Variants in LMBRD1 observed in about 807,000 individuals in gnomAD.
The protein encoded by LMBRD1 is lysosomal cobalamin transport escort protein LMBD1.
A neutral mutation model predicts 74.8 loss-of-function variants in LMBRD1; 64 were observed. The ratio of observed to expected loss-of-function variants is 0.86; its 90% confidence interval spans 0.70 to 1.05. The LOEUF (loss-of-function observed/expected upper bound fraction) is 1.05, where lower values mean the gene tolerates loss of function less well. Among genes scored for constraint, LMBRD1 ranks in the 50% least tolerant of loss-of-function variants. The pLI, the probability that LMBRD1 is intolerant of heterozygous loss-of-function variation, is 0.00. For missense variants in LMBRD1, 652 were observed against 645.9 expected, an observed-to-expected ratio of 1.01 and a Z score of -0.10; for synonymous variants, 204 against 216.3, an observed-to-expected ratio of 0.94 and a Z score of 0.50.
At chr6:69,680,675 A>G (rs1765641262) in intron 14 of LMBRD1, among the ~76,000 whole-genome samples, 1 of 152,110 alleles carries the variant, frequency 6.6e-6, no homozygotes, top group Non-Finnish European at 1.5e-5. Flanking sequence ...AAAATGATAG[A>G]AGGCTAAAAA....
At chr6:69,729,570 A>C (rs1766811160) in intron 7 of LMBRD1, among the ~76,000 whole-genome samples, 1 of 152,090 alleles carries the variant, frequency 6.6e-6, no homozygotes, top group Non-Finnish European at 1.5e-5. Context: ...ATAAGCTTTT[A>C]GGAAGAGACA....
intron 2 of LMBRD1, among the ~76,000 whole-genome samples, chr6:69,784,957 GAAC>G (rs1160868416): frequency 1.3e-5 from 2 of 152,118 alleles, no homozygotes; most frequent in Non-Finnish European, 2.9e-5. Flanking sequence ...CTTTCGTAGA[GAAC>G]AAAAACTTCC....
At chr6:69,705,708 G>C (rs1440119652) in intron 9 of LMBRD1, 1 of 1,082,232 alleles carries the variant, frequency 9.2e-7, no homozygotes, top group Non-Finnish European at 1.4e-6. Context: ...TTTTTTCTGT[G>C]GAACCTTGCT....
intron 3 of LMBRD1, among the ~76,000 whole-genome samples, chr6:69,764,933 T>C (rs1374888236): frequency 1.3e-5 from 2 of 151,742 alleles, no homozygotes; most frequent in South Asian, 2.1e-4. Flanking sequence ...CTTTTCTTTT[T>C]TTTTTTTTTA....
At chr6:69,687,792 T>A (rs1765794967) in intron 14 of LMBRD1, among the ~76,000 whole-genome samples, 1 of 152,160 alleles carries the variant, frequency 6.6e-6, no homozygotes, top group Non-Finnish European at 1.5e-5. Context: ...AATCTAACTA[T>A]CCTTAACTTT....
At position 69,775,028 on chromosome 6, in the gene LMBRD1, AGGGAG is replaced by A. The variant is rs1562121890; in HGVS notation, c.307+5461_307+5465del. Among the ~76,000 whole-genome samples the A allele has an allele frequency of 1.0e-3, 126 of 120,106 alleles. 13 individuals carry two copies. The highest frequency in any genetic ancestry group is 1.5e-3 in the South Asian group (5 of 3,304). 78.8% of individuals were successfully genotyped at this position (120,106 alleles called of 152,430 possible). A position where few individuals can be genotyped will look rare whatever the true frequency, so the allele number is the denominator to read the frequency against. ...GAGGGAGGGAGGGAGGGAGGGAGGG[AGGGAG>A]GGAAGGAAGGAAAAGATGAAGAACT... On this transcript the variant is annotated intron_variant, in intron 3 of 15. Transcript: ENST00000649934.
intron 6 of LMBRD1, among the ~76,000 whole-genome samples, chr6:69,738,947 T>C (rs2149869653): frequency 6.6e-6 from 1 of 152,260 alleles, no homozygotes; most frequent in Middle Eastern, 3.4e-3. Context: ...CAGTTTTGTA[T>C]AACACATAAA....
intron 14 of LMBRD1, among the ~76,000 whole-genome samples, chr6:69,691,966 T>G (rs929562914): frequency 6.6e-6 from 1 of 151,990 alleles, no homozygotes; most frequent in South Asian, 2.1e-4. Context: ...ATGATGGCCT[T>G]TTTTACTCCA....
chr6:69,776,917 C>A (rs1272501329), intron 3 of LMBRD1, among the ~76,000 whole-genome samples: 2 of 151,778 alleles, frequency 1.3e-5, no homozygotes, highest in Admixed American at 6.6e-5. Context: ...CACTTTGAGA[C>A]GGGCAGATCG....
At chr6:69,751,770 G>C (rs16868145) in intron 4 of LMBRD1, among the ~76,000 whole-genome samples, 1 of 152,010 alleles carries the variant, frequency 6.6e-6, no homozygotes, top group African/African-American at 2.4e-5. Flanking sequence ...TAAAATGTTC[G>C]CTGTCTCTGG....
At chr6:69,713,186 A>C (rs1766419294) in intron 9 of LMBRD1, among the ~76,000 whole-genome samples, 1 of 152,132 alleles carries the variant, frequency 6.6e-6, no homozygotes, top group East Asian at 1.9e-4. Flanking sequence ...AGGAAAGGAT[A>C]GTCAATCCAA....
At chr6:69,795,569 T>C (rs138873442) in intron 1 of LMBRD1, among the ~76,000 whole-genome samples, 5 of 152,342 alleles carry the variant, frequency 3.3e-5, no homozygotes, top group African/African-American at 1.2e-4. Context: ...TGCTTATTTA[T>C]TTTTTTCTAA....
At chr6:69,695,084 G>A (rs557134941) in intron 14 of LMBRD1, among the ~76,000 whole-genome samples, 4 of 152,102 alleles carry the variant, frequency 2.6e-5, no homozygotes, top group African/African-American at 9.6e-5. Flanking sequence ...ATGTACAGAA[G>A]GAAATATCCC....
At chr6:69,713,543 G>T in intron 9 of LMBRD1, 102 bp downstream of exon 9, 1 of 1,197,730 alleles carries the variant, frequency 8.3e-7, no homozygotes, top group Non-Finnish European at 1.2e-6. Context: ...TCCATTTTAA[G>T]TACCATGCTG....
chr6:69,722,832 A>C (rs1162690668), intron 7 of LMBRD1, among the ~76,000 whole-genome samples: 1 of 152,198 alleles, frequency 6.6e-6, no homozygotes, highest in Admixed American at 6.5e-5. Flanking sequence ...AGAAGTCCTT[A>C]CGTATCAGTA....
intron 8 of LMBRD1, 140 bp downstream of exon 8, chr6:69,718,816 G>T: frequency 2.4e-6 from 2 of 821,812 alleles, no homozygotes; most frequent in Non-Finnish European, 2.0e-6. Context: ...TGAGGACACA[G>T]TCAAACTGTA....
chr6:69,705,325 C>G (rs1351557761), intron 9 of LMBRD1: 9 of 757,944 alleles, frequency 1.2e-5, no homozygotes, highest in Non-Finnish European at 2.2e-5. Context: ...TCTTGAATAG[C>G]CTCCTGGTCA....
chr6:69,751,883 T>G (rs1379639347), intron 4 of LMBRD1, among the ~76,000 whole-genome samples: 3 of 152,176 alleles, frequency 2.0e-5, no homozygotes, highest in Non-Finnish European at 2.9e-5. Flanking sequence ...AGAAAAAATT[T>G]TGTATGCCTG....
rs749864823 is a variant in LMBRD1, at chr6:69,701,949, A to G, written c.920T>C (p.Val307Ala). The part of the protein sequence containing the change: ...FCGALRPLKI[V>A]WGIFFILVAL... The stretch of plus-strand genomic sequence containing the variant: ...AACTAAGATGAAAAATATTCCCCAG[A>G]CGATCTAAAAGCAAAAATATATTCA... Residue 307 changes from valine (V) to alanine (A), a missense_variant, in exon 10 of 16, where the codon GTC becomes GCC. Coordinates refer to ENST00000649934, the MANE Select transcript of LMBRD1 (RefSeq NM_018368.4). 1.3e-6 allele frequency: 2 copies of G among 1,593,616 alleles called. No homozygotes were observed. The highest frequency in any genetic ancestry group is 1.7e-6 in the Non-Finnish European group (2 of 1,162,402).
Sources: allele counts gnomAD v4.1 joint callset (sites outside exome capture counted in the v4.1 genomes callset), GRCh38; gene constraint gnomAD v4.1.1; transcripts MANE v1.5; gene names NCBI Gene and HGNC (gene_info 2026-07-23, HGNC 2026-07-21).